The following OSGIN2 variants were observed in gnomAD, a reference collection of about 807,000 sequenced individuals.
The protein encoded by OSGIN2 is oxidative stress-induced growth inhibitor 2.
In OSGIN2, 19 loss-of-function variants were observed where a neutral mutation model predicts 53.8. That is an observed-to-expected ratio of 0.35 (90% CI 0.25 to 0.52). The LOEUF (loss-of-function observed/expected upper bound fraction) is 0.52, where lower values mean the gene tolerates loss of function less well. OSGIN2 is among the 20% of genes least tolerant of loss of function. OSGIN2 has a pLI of 0.95. For synonymous variants in OSGIN2, 236 were observed against 236.0 expected (o/e 1.00, Z 0.00); for missense variants, 520 against 662.7 (o/e 0.78, Z 2.36).
At chr8:89,911,883 A>G (rs192310585) in intron 2 of OSGIN2, among the ~76,000 whole-genome samples, 1 of 152,110 alleles carries the variant, frequency 6.6e-6, no homozygotes, top group Admixed American at 6.5e-5. Context: ...GGTTGCAATG[A>G]GCCGAGATCG....
At chr8:89,924,307 T>C (rs890226313) in intron 5 of OSGIN2, among the ~76,000 whole-genome samples, 196 bp from the exon 6 acceptor site, 2 of 152,226 alleles carry the variant, frequency 1.3e-5, no homozygotes, top group Non-Finnish European at 2.9e-5. Flanking sequence ...ATGGGACTTC[T>C]TCCAATTTTT....
chr8:89,909,037 A>AAAAAAAAATATATATATATAT (rs1554550040), intron 1 of OSGIN2, among the ~76,000 whole-genome samples: 1 of 84,902 alleles, frequency 1.2e-5, no homozygotes, highest in African/African-American at 7.2e-5. Flanking sequence ...AAAAAAAAAA[A>AAAAAAAAATATATATATATAT]ATATATATAT....
At chr8:89,920,195 G>A (rs1230776526) in intron 4 of OSGIN2, among the ~76,000 whole-genome samples, 1 of 152,062 alleles carries the variant, frequency 6.6e-6, no homozygotes, top group Non-Finnish European at 1.5e-5. Flanking sequence ...CTCAAAGCAG[G>A]TGGCAGCTTG....
chr8:89,902,971 T>G, intron 1 of OSGIN2, 134 bp downstream of exon 1: 10 of 236,946 alleles, frequency 4.2e-5, no homozygotes, highest in East Asian at 1.5e-4. Context: ...TCGGCCGTCC[T>G]GCCTGGCGTG....
chr8:89,926,281 A>G lies in OSGIN2; in HGVS notation c.*749A>G, dbSNP rs1020185168. 2.6e-5 allele frequency: 4 copies of G among 152,622 alleles called. No homozygotes were observed. Among genetic ancestry groups the G allele is most frequent in the Non-Finnish European group, 4.4e-5 (3 of 68,024 alleles). 9.5% of individuals were successfully genotyped at this position (152,622 alleles called of 1,614,324 possible). A position where few individuals can be genotyped will look rare whatever the true frequency, so the allele number is the denominator to read the frequency against. On this transcript the variant is annotated 3_prime_UTR_variant, in exon 6 of 6. Coordinates refer to ENST00000451899, the MANE Select transcript of OSGIN2 (RefSeq NM_001126111.3). ...AATTTAAACAGTCCAATAATGTGGTATACACTTTGACATCCAAGAACTCAC... is the reference window on the plus strand; with the variant it reads ...AATTTAAACAGTCCAATAATGTGGTGTACACTTTGACATCCAAGAACTCAC...
Position 89,925,503 on chromosome 8 carries a change from G to A in OSGIN2, c.1621G>A (p.Glu541Lys), listed in dbSNP as rs776007867. 12 of 1,613,742 alleles carry A rather than the reference G, an allele frequency of 7.4e-6. No individual in the cohort carries two copies. The highest frequency in any genetic ancestry group is 1.0e-5 in the Non-Finnish European group (12 of 1,179,838). Residue 541 changes from glutamate to lysine, a missense_variant, in exon 6 of 6, where the codon GAA (glutamate) becomes AAA (lysine). Physicochemically the swap from Glu to Lys is moderately conservative, Grantham distance 56 (BLOSUM62 1). This residue lies in a region of OSGIN2 where 239 missense variants were observed against 328.3 expected (regional missense o/e 0.73). Transcript: ENST00000451899. ...ACAGAAGAAAAAGCATTTGTTTGTT[G>A]AAAGAGGAGGAGGAGATGGGATAGC... The part of the protein sequence containing the change: ...TRQKKKHLFV[E>K]RGGGDGIA
intron 2 of OSGIN2, among the ~76,000 whole-genome samples, chr8:89,912,743 T>TCA (rs1563468574): frequency 1.3e-5 from 2 of 148,414 alleles, no homozygotes; most frequent in African/African-American, 5.0e-5. Flanking sequence ...AGACTCTGTC[T>TCA]GAAAAAAAAA....
rs779924646 is a variant in OSGIN2, at chr8:89,914,516, T to C, written c.337-39T>C. ...TTAGAATATACTATCTGGGAAATGC[T>C]GGCTTTTTTCAAACTCTGTCTCCCT... is the stretch of plus-strand genomic sequence containing the variant. On this transcript the variant is annotated intron_variant, in intron 3 of 5. Coordinates refer to ENST00000451899, the MANE Select transcript of OSGIN2 (RefSeq NM_001126111.3). 9 of 1,516,154 alleles carry C rather than the reference T, an allele frequency of 5.9e-6. 1 individual carries two copies. The East Asian group carries it at 1.6e-4, about 27-fold the overall frequency. 93.9% of individuals were successfully genotyped at this position (1,516,154 alleles called of 1,614,324 possible).
chr8:89,915,828 A>G (rs1809067340), intron 4 of OSGIN2, among the ~76,000 whole-genome samples: 1 of 152,196 alleles, frequency 6.6e-6, no homozygotes, highest in Non-Finnish European at 1.5e-5. Context: ...GGACATTCCT[A>G]GATTAAATAC....
rs776191643 is a variant in OSGIN2, at chr8:89,914,524, T to C, written c.337-31T>C. The C allele has an allele frequency of 2.5e-6, 4 of 1,576,522 alleles. No individual in the cohort carries two copies. The East Asian group carries it at 6.7e-5, about 26-fold the overall frequency. The stretch of plus-strand genomic sequence containing the variant: ...TACTATCTGGGAAATGCTGGCTTTT[T>C]TCAAACTCTGTCTCCCTTTTGTTCA... On this transcript the variant is annotated intron_variant, in intron 3 of 5. Coordinates refer to ENST00000451899, the MANE Select transcript of OSGIN2 (RefSeq NM_001126111.3).
Position 89,923,881 on chromosome 8 carries a change from A to G in OSGIN2, c.621-622A>G, listed in dbSNP as rs894723932. ...AACTTTGGAAAATGACATACAGACT[A>G]ATGCAAGTTTTTCATAACAGTTATG... On this transcript the variant is annotated intron_variant, in intron 5 of 5. Transcript: ENST00000451899. 2.1e-5 allele frequency among the ~76,000 whole-genome samples: 3 copies of G among 144,684 alleles called. No individual in the cohort carries two copies. In the South Asian group the frequency reaches 6.3e-4, roughly 30 times the overall value. 94.9% of individuals were successfully genotyped at this position (144,684 alleles called of 152,430 possible). A position where few individuals can be genotyped will look rare whatever the true frequency, so the allele number is the denominator to read the frequency against.
Position 89,925,584 on chromosome 8 carries a change from T to C in OSGIN2, c.*52T>C, listed in dbSNP as rs1344902709. On this transcript the variant is annotated 3_prime_UTR_variant, in exon 6 of 6. Transcript: ENST00000451899. Reference sequence around the variant, plus strand: ...ACAGTTTGCCATTAAAGATTTTTAATAGTGGTTTTGCAGTGTACTGGCTTG... The same window carrying C: ...ACAGTTTGCCATTAAAGATTTTTAACAGTGGTTTTGCAGTGTACTGGCTTG... 5 of 1,460,000 alleles carry C rather than the reference T, an allele frequency of 3.4e-6. No individual in the cohort carries two copies. The African/African-American group carries it at 5.7e-5, about 17-fold the overall frequency. 90.4% of individuals were successfully genotyped at this position (1,460,000 alleles called of 1,614,324 possible).
rs1808752297 is a variant in OSGIN2 at position 89,902,817 on chromosome 8, C to T, written c.24C>T (p.Cys8=). The T allele has an allele frequency of 1.1e-5, 15 of 1,372,064 alleles. No homozygotes were observed. Among genetic ancestry groups the T allele is most frequent in the Non-Finnish European group, 1.4e-5 (15 of 1,042,782 alleles). 85.0% of individuals were successfully genotyped at this position (1,372,064 alleles called of 1,614,324 possible). ...CCATGCCCGTGTGGTGCTGCCGCTG[C>T]TCCCTGGCCGGTCATTTCAGGTGAC... MPVWCCR[C]SLAGHFRNYS... is the part of the protein sequence containing the mutation. The change falls in exon 1 of 6, where the codon TGC becomes TGT. Residue 8 remains cysteine, a synonymous_variant. Coordinates refer to ENST00000451899, the MANE Select transcript of OSGIN2 (RefSeq NM_001126111.3).
At chr8:89,905,035 T>A (rs1808806146) in intron 1 of OSGIN2, among the ~76,000 whole-genome samples, 1 of 152,238 alleles carries the variant, frequency 6.6e-6, no homozygotes, top group Non-Finnish European at 1.5e-5. Flanking sequence ...TTTAGGTTCA[T>A]GGTTCCAAAG....
intron 1 of OSGIN2, among the ~76,000 whole-genome samples, chr8:89,903,448 T>C (rs767635948): frequency 3.6e-4 from 55 of 152,220 alleles, no homozygotes; most frequent in Non-Finnish European, 1.2e-4. Context: ...ACCTCAGTCA[T>C]TGGTGGAAAG....
At chr8:89,908,826 T>G (rs1393643146) in intron 1 of OSGIN2, among the ~76,000 whole-genome samples, 2 of 151,318 alleles carry the variant, frequency 1.3e-5, no homozygotes, top group African/African-American at 2.4e-5. Context: ...CTGGGTAACA[T>G]AGCGAGATCC....
intron 2 of OSGIN2, among the ~76,000 whole-genome samples, chr8:89,911,347 C>T (rs1808962210): frequency 6.6e-6 from 1 of 152,062 alleles, no homozygotes; most frequent in East Asian, 1.9e-4. Context: ...ACTGGGACAT[C>T]TCTGGGCACA....
At chr8:89,916,939 G>T (rs1034544409) in intron 4 of OSGIN2, among the ~76,000 whole-genome samples, 1 of 152,116 alleles carries the variant, frequency 6.6e-6, no homozygotes, top group African/African-American at 2.4e-5. Flanking sequence ...AAAAAGCCCT[G>T]TTCCATTGAA....
Position 89,927,875 on chromosome 8 carries a change from C to T in OSGIN2, c.*2343C>T, listed in dbSNP as rs2130724320. 1 of 152,246 alleles carries T rather than the reference C, an allele frequency of 6.6e-6. No homozygotes were observed. Among genetic ancestry groups the T allele is most frequent in the East Asian group, 1.9e-4 (1 of 5,190 alleles). 9.4% of individuals were successfully genotyped at this position (152,246 alleles called of 1,614,324 possible). ...AATAAATTCAACTATTAAATAAATG[C>T]AAGTTCCACTAAATCTTAGTGTTTG... is the stretch of plus-strand genomic sequence containing the variant. On this transcript the variant is annotated 3_prime_UTR_variant, in exon 6 of 6. Coordinates refer to ENST00000451899, the MANE Select transcript of OSGIN2 (RefSeq NM_001126111.3).
Sources: gnomAD v4.1 joint callset for allele counts (sites outside exome capture counted in the v4.1 genomes callset) on GRCh38, gnomAD v4.1.1 for gene constraint, gnomAD v4.1.1 regional missense constraint, MANE v1.5 for transcripts, NCBI Gene and HGNC (gene_info 2026-07-23, HGNC 2026-07-21) for gene names.